The following SPOCK1 variants were observed in gnomAD, a reference collection of about 807,000 sequenced individuals.
SPOCK1 encodes the protein SPARC (osteonectin), cwcv and kazal like domains proteoglycan 1, also known as testican-1.
A neutral mutation model predicts 55.3 loss-of-function variants in SPOCK1; 23 were observed. The ratio of observed to expected loss-of-function variants is 0.42; its 90% CI spans 0.30 to 0.59. The LOEUF (loss-of-function observed/expected upper bound fraction) is 0.59, where lower values mean the gene tolerates loss of function less well. Among genes scored for constraint, SPOCK1 ranks in the 20% least tolerant of loss-of-function variants. The pLI is 0.22. For missense variants in SPOCK1, 499 were observed against 552.5 expected (o/e 0.90, Z 0.97); for synonymous variants, 226 against 221.0 (o/e 1.02, Z -0.20).
At chr5:137,375,655 G>A (rs976169295) in intron 2 of SPOCK1, among the ~76,000 whole-genome samples, 11 of 152,150 alleles carry the variant, frequency 7.2e-5, no homozygotes, top group Non-Finnish European at 1.0e-4. Context: ...TCTACTGTTA[G>A]GTAAGAATAA....
chr5:137,412,276 G>T (rs1176378085), intron 2 of SPOCK1, among the ~76,000 whole-genome samples: 1 of 152,216 alleles, frequency 6.6e-6, no homozygotes, highest in Non-Finnish European at 1.5e-5. Context: ...TAGAGCTCCT[G>T]TTGGCACCCA....
intron 6 of SPOCK1, among the ~76,000 whole-genome samples, chr5:137,028,231 AT>A (rs1751713717): frequency 6.6e-6 from 1 of 152,148 alleles, no homozygotes; most frequent in Non-Finnish European, 1.5e-5. Context: ...ATGAGGACAC[AT>A]GCTCTCTGGC....
chr5:137,244,597 T>C (rs973217813), intron 3 of SPOCK1, among the ~76,000 whole-genome samples: 9 of 152,246 alleles, frequency 5.9e-5, no homozygotes, highest in African/African-American at 2.2e-4. Flanking sequence ...ATGTGAAATC[T>C]GTGGGCCTTA....
chr5:137,388,291 T>C (rs1480748989), intron 2 of SPOCK1, among the ~76,000 whole-genome samples: 2 of 151,530 alleles, frequency 1.3e-5, no homozygotes, highest in Non-Finnish European at 2.9e-5. Flanking sequence ...ACGCAAACTA[T>C]ATAAGCACAT....
chr5:137,179,406 T>C (rs1010094804), intron 3 of SPOCK1, among the ~76,000 whole-genome samples: 5 of 152,134 alleles, frequency 3.3e-5, no homozygotes. Flanking sequence ...CTTACACATT[T>C]AAGCTGTCAC....
At chr5:137,475,987 T>A (rs925010791) in intron 2 of SPOCK1, among the ~76,000 whole-genome samples, 1 of 152,022 alleles carries the variant, frequency 6.6e-6, no homozygotes, top group Non-Finnish European at 1.5e-5. Context: ...ACACTGTGTA[T>A]AGACTTCTAC....
intron 6 of SPOCK1, among the ~76,000 whole-genome samples, chr5:137,023,494 A>G (rs760952303): frequency 2.0e-5 from 3 of 152,310 alleles, no homozygotes; most frequent in South Asian, 2.1e-4. Context: ...AGGGTGTGAT[A>G]GGCTAACTAT....
chr5:137,205,798 A>C (rs998091562), intron 3 of SPOCK1, among the ~76,000 whole-genome samples: 3 of 152,200 alleles, frequency 2.0e-5, no homozygotes, highest in African/African-American at 7.2e-5. Context: ...TTAAAGAAAA[A>C]AGGAACATCT....
rs918546476 is a variant in SPOCK1, at chr5:136,978,303, G to A, written c.*351C>T. On this transcript the variant is annotated 3_prime_UTR_variant, in exon 11 of 11. Transcript: ENST00000394945. ...CCACCAGTGTGGGTAATCAAAAAGG[G>A]TCTTTGACATTTAAGAGGGTTGGGG... 1.2e-4 allele frequency: 36 copies of A among 311,554 alleles called. No individual in the cohort carries two copies. Among genetic ancestry groups the A allele is most frequent in the Admixed American group, 2.3e-4 (5 of 21,500 alleles). The allele number at this position is 311,554 out of a possible 1,614,324, so 19.3% of individuals were successfully genotyped here.
intron 4 of SPOCK1, among the ~76,000 whole-genome samples, chr5:137,125,714 T>C (rs1329022879): frequency 2.0e-5 from 3 of 152,190 alleles, no homozygotes; most frequent in Admixed American, 6.5e-5. Context: ...TATTTTTGCA[T>C]AGCAGCCCCA....
intron 5 of SPOCK1, among the ~76,000 whole-genome samples, chr5:137,088,944 T>A (rs1049914228): frequency 6.6e-6 from 1 of 152,186 alleles, no homozygotes; most frequent in Non-Finnish European, 1.5e-5. Context: ...ATTTGGTGTC[T>A]GGTCTTGTGA....
At chr5:137,355,851 G>C (rs1018527314) in intron 2 of SPOCK1, among the ~76,000 whole-genome samples, 2 of 152,124 alleles carry the variant, frequency 1.3e-5, no homozygotes. Context: ...TGTCAAGAAG[G>C]CTCAGGCAGC....
intron 2 of SPOCK1, among the ~76,000 whole-genome samples, chr5:137,475,493 A>G (rs1753821079): frequency 6.6e-6 from 1 of 152,202 alleles, no homozygotes; most frequent in South Asian, 2.1e-4. Flanking sequence ...TCATTATTAT[A>G]TTAATGTTAA....
chr5:136,983,740 G>C (rs1433292372), intron 9 of SPOCK1, among the ~76,000 whole-genome samples: 2 of 151,534 alleles, frequency 1.3e-5, no homozygotes, highest in Non-Finnish European at 2.9e-5. Context: ...ATTTGACTCT[G>C]TATACCCCTG....
chr5:137,451,938 A>G (rs1490768907), intron 2 of SPOCK1, among the ~76,000 whole-genome samples: 1 of 152,250 alleles, frequency 6.6e-6, no homozygotes, highest in Non-Finnish European at 1.5e-5. Flanking sequence ...GCTTGGGACC[A>G]GTAGTGTTTT....
chr5:137,281,541 A>C (rs1365108393), intron 2 of SPOCK1, among the ~76,000 whole-genome samples: 1 of 152,254 alleles, frequency 6.6e-6, no homozygotes, highest in Non-Finnish European at 1.5e-5. Flanking sequence ...GAAATAAGCA[A>C]GGAGTGACCC....
chr5:137,277,777 C>T (rs1757095542), intron 2 of SPOCK1, among the ~76,000 whole-genome samples: 1 of 152,184 alleles, frequency 6.6e-6, no homozygotes, highest in African/African-American at 2.4e-5. Flanking sequence ...CCCTGGATTC[C>T]TGATCCACCC....
At chr5:137,145,432 C>T (rs1448880756) in intron 3 of SPOCK1, among the ~76,000 whole-genome samples, 1 of 152,156 alleles carries the variant, frequency 6.6e-6, no homozygotes, top group East Asian at 1.9e-4. Context: ...TTCTTGAGCA[C>T]ATCCTATAGG....
intron 2 of SPOCK1, among the ~76,000 whole-genome samples, chr5:137,466,418 A>G (rs1051869122): frequency 2.6e-5 from 4 of 152,220 alleles, no homozygotes; most frequent in African/African-American, 4.8e-5. Context: ...CTTCATACTG[A>G]ACAGTTGGAC....
Sources: allele counts gnomAD v4.1 joint callset (sites outside exome capture counted in the v4.1 genomes callset), GRCh38; gene constraint gnomAD v4.1.1; transcripts MANE v1.5; gene names NCBI Gene and HGNC (gene_info 2026-07-23, HGNC 2026-07-21).